Variants in CARS1 observed in about 807,000 individuals in gnomAD.
CARS1 encodes the protein cysteinyl-tRNA synthetase 1, also known as cysteine--tRNA ligase, cytoplasmic.
CARS1 carries 48 observed loss-of-function variants against 106.2 expected under a neutral mutation model. The observed-to-expected ratio is 0.45, with a 90% CI of 0.36 to 0.57. CARS1 has a LOEUF of 0.57. Among genes scored for constraint, CARS1 ranks in the 20% least tolerant of loss-of-function variants. The probability of loss-of-function intolerance (pLI) is 0.00; values close to 1 mark genes in which losing one functional copy is unlikely to be tolerated. For missense variants in CARS1, 968 were observed against 1,057.2 expected, an observed-to-expected ratio of 0.92 and a Z score of 1.17; for synonymous variants, 409 against 403.4, an observed-to-expected ratio of 1.01 and a Z score of -0.17.
intron 7 of CARS1, among the ~76,000 whole-genome samples, chr11:3,035,613 G>C (rs1360402466): frequency 6.6e-6 from 1 of 152,100 alleles, no homozygotes; most frequent in Non-Finnish European, 1.5e-5. Flanking sequence ...AGCCTCCCCA[G>C]TAGCTGGAAC....
intron 20 of CARS1, among the ~76,000 whole-genome samples, chr11:3,005,063 G>A (rs895813071): frequency 1.4e-5 from 2 of 145,094 alleles, no homozygotes; most frequent in African/African-American, 5.1e-5. Context: ...AGCCAAGATC[G>A]TGCCACTGCA....
intron 7 of CARS1, among the ~76,000 whole-genome samples, chr11:3,031,847 T>C (rs1468853886): frequency 6.6e-6 from 1 of 152,312 alleles, no homozygotes; most frequent in Non-Finnish European, 1.5e-5. Flanking sequence ...GGGGACCCCA[T>C]ACTTTTGTGA....
At position 3,045,061 on chromosome 11, in the gene CARS1, A is replaced by G. The variant is rs1854939402; in HGVS notation, c.274+2692T>C. ...CTCCTCAGTGAAGGGTATAGCTGAC[A>G]CTCCTTCCCGGGGGGTAGGGAGAGG... On this transcript the variant is annotated intron_variant, in intron 2 of 22. Coordinates refer to ENST00000380525, the MANE Select transcript of CARS1 (RefSeq NM_001014437.3). The surrounding 1 kb of genome is among the most constrained non-coding windows in gnomAD (Gnocchi z 5.6). Among the ~76,000 whole-genome samples, 1 of 151,838 alleles carries G rather than the reference A, an allele frequency of 6.6e-6. No individual in the cohort carries two copies. The highest frequency in any genetic ancestry group is 1.5e-5 in the Non-Finnish European group (1 of 67,966).
chr11:3,019,172 G>T lies in CARS1; in HGVS notation c.1362C>A (p.Phe454Leu). 6.6e-7 allele frequency: 1 copy of T among 1,525,560 alleles called. No individual in the cohort carries two copies. The highest frequency in any genetic ancestry group is 2.4e-5 in the East Asian group (1 of 41,658). 94.5% of individuals were successfully genotyped at this position (1,525,560 alleles called of 1,614,324 possible). Residue 454 changes from phenylalanine (F) to leucine (L), a missense_variant, in exon 12 of 23, where the codon TTC (phenylalanine) becomes TTA (leucine). By Grantham distance (22) the Phe-to-Leu change is conservative. Transcript: ENST00000380525. The surrounding 1 kb of genome is among the most constrained non-coding windows in gnomAD (Gnocchi z 6.2). ...DIHGGGFDLR[F>L]PHHDNELAQS... ...GTGCCAGCTCATTGTCATGGTGGGG[G>T]AACCGGAGGTCGAACCCACCTCCGT...
Position 3,040,016 on chromosome 11 carries a change from T to G in CARS1, c.456-85A>C. On this transcript the variant is annotated intron_variant, in intron 4 of 22. Coordinates refer to ENST00000380525, the MANE Select transcript of CARS1 (RefSeq NM_001014437.3). The surrounding 1 kb of genome is among the most constrained non-coding windows in gnomAD (Gnocchi z 5.8). ...ACAACACGTGTTTGAACTGCATGAG[T>G]GCATTTATATATGATTTTCTCTGCC... 1.5e-6 allele frequency: 1 copy of G among 672,206 alleles called. No individual in the cohort carries two copies. Among genetic ancestry groups the G allele is most frequent in the Non-Finnish European group, 2.5e-6 (1 of 393,078 alleles). 41.6% of individuals were successfully genotyped at this position (672,206 alleles called of 1,614,324 possible).
Position 3,038,334 on chromosome 11 carries a change from G to A in CARS1, c.652-135C>T. On this transcript the variant is annotated intron_variant, in intron 6 of 22. Transcript: ENST00000380525. The surrounding 1 kb of genome is among the most constrained non-coding windows in gnomAD (Gnocchi z 4.0). ...AGATAGAGAAGTGTGCAACCCAAGTGGCCAGGCAGTAAGGAACTAAGAGAG... is the reference window on the plus strand; with the variant it reads ...AGATAGAGAAGTGTGCAACCCAAGTAGCCAGGCAGTAAGGAACTAAGAGAG... The A allele has an allele frequency of 1.3e-6, 1 of 793,846 alleles. No individual in the cohort carries two copies. Among genetic ancestry groups the A allele is most frequent in the South Asian group, 1.7e-5 (1 of 60,358 alleles). The allele number at this position is 793,846 out of a possible 1,614,324, so 49.2% of individuals were successfully genotyped here. A position where few individuals can be genotyped will look rare whatever the true frequency, so the allele number is the denominator to read the frequency against.
chr11:3,007,111 C>T (rs369756374), intron 18 of CARS1, 152 bp from the exon 19 acceptor site: 9 of 646,164 alleles, frequency 1.4e-5, no homozygotes, highest in South Asian at 3.6e-5. Flanking sequence ...GCCCACAGAA[C>T]GAGTACCTCC....
rs1853386546 is a variant in CARS1 at position 3,034,783 on chromosome 11, C to T, written c.801+3267G>A. Among the ~76,000 whole-genome samples, 1 of 152,182 alleles carries T rather than the reference C, an allele frequency of 6.6e-6. No individual in the cohort carries two copies. Among genetic ancestry groups the T allele is most frequent in the Admixed American group, 6.5e-5 (1 of 15,286 alleles). The stretch of plus-strand genomic sequence containing the variant: ...TCTCCTGACCTCGTGATCTGCCCAC[C>T]TCAGCCTCCCAAAGTGCTGGGATTA... On this transcript the variant is annotated intron_variant, in intron 7 of 22. Coordinates refer to ENST00000380525, the MANE Select transcript of CARS1 (RefSeq NM_001014437.3). This position sits in a 1 kb window ranked among gnomAD's most constrained non-coding sequence, Gnocchi z 6.3.
rs749902492 is a variant in CARS1 at position 3,017,230 on chromosome 11, A to G, written c.1793T>C (p.Met598Thr). 3.1e-6 allele frequency: 5 copies of G among 1,614,014 alleles called. No individual in the cohort carries two copies. In the South Asian group the frequency reaches 5.5e-5, roughly 18 times the overall value. Reference sequence around the variant, plus strand: ...ACTGACCAAGGCCCGCATCTCTTCCATGACGGTGCGGGTGTCAACATTGTC... The same window carrying G: ...ACTGACCAAGGCCCGCATCTCTTCCGTGACGGTGCGGGTGTCAACATTGTC... Reference protein sequence around the residue: ...LCDNVDTRTVMEEMRALVSQC... With the variant: ...LCDNVDTRTVTEEMRALVSQC... Residue 598 changes from methionine to threonine, a missense_variant, in exon 16 of 23, where the codon ATG becomes ACG. Transcript: ENST00000380525. This position sits in a 1 kb window ranked among gnomAD's most constrained non-coding sequence, Gnocchi z 4.9.
chr11:3,012,716 G>C lies in CARS1; in HGVS notation c.1987-440C>G, dbSNP rs376657523. Among the ~76,000 whole-genome samples, 5 of 152,132 alleles carry C rather than the reference G, an allele frequency of 3.3e-5. No individual in the cohort carries two copies. In the East Asian group the frequency reaches 9.6e-4, roughly 29 times the overall value. Reference sequence around the variant, plus strand: ...CTATGCTGAGGCTGGCGGCTCCCGGGCCGTGCTTTCGTCTGATCTGTGGTC... The same window carrying C: ...CTATGCTGAGGCTGGCGGCTCCCGGCCCGTGCTTTCGTCTGATCTGTGGTC... On this transcript the variant is annotated intron_variant, in intron 17 of 22. Coordinates refer to ENST00000380525, the MANE Select transcript of CARS1 (RefSeq NM_001014437.3).
Position 3,029,600 on chromosome 11 carries a change from C to T in CARS1, c.802-157G>A, listed in dbSNP as rs1344588991. The T allele has an allele frequency of 8.5e-6, 6 of 704,816 alleles. No homozygotes were observed. Among genetic ancestry groups the T allele is most frequent in the African/African-American group, 5.4e-5 (3 of 55,722 alleles). 43.7% of individuals were successfully genotyped at this position (704,816 alleles called of 1,614,324 possible). A position where few individuals can be genotyped will look rare whatever the true frequency, so the allele number is the denominator to read the frequency against. ...TCCTAGGGAGACTGTGATGCTTACA[C>T]AACTGGCTCGGCAGGGACAAATACA... is the stretch of plus-strand genomic sequence containing the variant. On this transcript the variant is annotated intron_variant, in intron 7 of 22. Coordinates refer to ENST00000380525, the MANE Select transcript of CARS1 (RefSeq NM_001014437.3). This position sits in a 1 kb window ranked among gnomAD's most constrained non-coding sequence, Gnocchi z 5.9.
chr11:3,013,046 C>T (rs533947109), intron 17 of CARS1, among the ~76,000 whole-genome samples: 120 of 151,732 alleles, frequency 7.9e-4, no homozygotes, highest in African/African-American at 2.4e-3. Flanking sequence ...AGCGCCACCA[C>T]GCCTGGCTAA....
intron 18 of CARS1, among the ~76,000 whole-genome samples, chr11:3,011,948 C>T (rs1259228885): frequency 1.3e-5 from 2 of 152,266 alleles, no homozygotes; most frequent in Non-Finnish European, 2.9e-5. Context: ...CCACTGCCCA[C>T]TCAGCTGCAC....
chr11:3,051,064 G>A lies in CARS1; in HGVS notation c.26-3063C>T, dbSNP rs192453719. 6.2e-4 allele frequency among the ~76,000 whole-genome samples: 95 copies of A among 152,320 alleles called. 1 individual carries two copies. In the South Asian group the frequency reaches 0.018, roughly 29 times the overall value. ...TGCATGCCACCAGTGGTGGGCTGGC[G>A]TTCCCCTGTGGCACTGGGCCTCATG... is the stretch of plus-strand genomic sequence containing the variant. On this transcript the variant is annotated intron_variant, in intron 1 of 22. Transcript: ENST00000380525.
chr11:3,015,644 G>T, intron 17 of CARS1, 137 bp downstream of exon 17: 1 of 744,414 alleles, frequency 1.3e-6, no homozygotes, highest in Admixed American at 2.0e-5. Context: ...AGCCAGAATT[G>T]CCATTTAGCT....
rs140644107 is a variant in CARS1 at position 3,042,244 on chromosome 11, C to A, written c.287G>T (p.Arg96Leu). 6.2e-7 allele frequency: 1 copy of A among 1,612,346 alleles called. No homozygotes were observed. The stretch of plus-strand genomic sequence containing the variant: ...AGGAGGGGACCACTGGGGCTGCACA[C>A]GCCGGCCTTTGCCTGGGAGGCAGAG... ...PCRLQASKGR[R>L]VQPQWSPPAG... The change falls in exon 3 of 23, where the codon CGT (arginine) becomes CTT (leucine). Residue 96 changes from arginine (R) to leucine (L), a missense_variant. Coordinates refer to ENST00000380525, the MANE Select transcript of CARS1 (RefSeq NM_001014437.3).
rs1246788076 is a variant in CARS1 at position 3,038,923 on chromosome 11, T to A, written c.651+271A>T. ...TAAGCATTTTTATAAGTGTAATTAG[T>A]GGCACTGTGATGAATTCAGTTGTTT... On this transcript the variant is annotated intron_variant, in intron 6 of 22. Coordinates refer to ENST00000380525, the MANE Select transcript of CARS1 (RefSeq NM_001014437.3). The surrounding 1 kb of genome is among the most constrained non-coding windows in gnomAD (Gnocchi z 4.0). Among the ~76,000 whole-genome samples, 1 of 152,210 alleles carries A rather than the reference T, an allele frequency of 6.6e-6. No homozygotes were observed. The highest frequency in any genetic ancestry group is 2.4e-5 in the African/African-American group (1 of 41,456).
chr11:3,007,197 A>G, intron 18 of CARS1: 1 of 572,312 alleles, frequency 1.7e-6, no homozygotes, highest in Non-Finnish European at 3.1e-6. Context: ...CCGTAAGCCC[A>G]GGGGCTGTTC....
At position 3,019,381 on chromosome 11, in the gene CARS1, C is replaced by T. The variant is rs921610479; in HGVS notation, c.1267-114G>A. 7 of 1,149,626 alleles carry T rather than the reference C, an allele frequency of 6.1e-6. No homozygotes were observed. In the South Asian group the frequency reaches 1.6e-4, roughly 27 times the overall value. The allele number at this position is 1,149,626 out of a possible 1,614,324, so 71.2% of individuals were successfully genotyped here. ...ATCCTCTGAACTTTATTGGAACAAG[C>T]GTTAAATCCCGCACATGAAAAGACT... On this transcript the variant is annotated intron_variant, in intron 11 of 22. Transcript: ENST00000380525. This position sits in a 1 kb window ranked among gnomAD's most constrained non-coding sequence, Gnocchi z 6.2.
Sources: gnomAD v4.1 joint callset for allele counts (sites outside exome capture counted in the v4.1 genomes callset) on GRCh38, gnomAD v4.1.1 for gene constraint, Gnocchi (gnomAD v3.1) non-coding constraint, MANE v1.5 for transcripts, NCBI Gene and HGNC (gene_info 2026-07-23, HGNC 2026-07-21) for gene names.